CPED1: variants seen among roughly 807,000 people sequenced by gnomAD.
CPED1 encodes the protein cadherin like and PC-esterase domain containing 1.
In CPED1, 114 loss-of-function variants were observed where a neutral mutation model predicts 128.2. That is an observed-to-expected ratio of 0.89 (90% confidence interval 0.76 to 1.04). The LOEUF (loss-of-function observed/expected upper bound fraction) is 1.04, where lower values mean the gene tolerates loss of function less well. CPED1 is among the 50% of genes least tolerant of loss of function. CPED1 has a pLI of 0.00. For missense variants in CPED1, 1,211 were observed against 1,207.1 expected, an observed-to-expected ratio of 1.00 and a Z score of -0.05; for synonymous variants, 462 against 426.7, an observed-to-expected ratio of 1.08 and a Z score of -1.02.
rs1584639976 is a variant in CPED1, at chr7:121,261,640, C to T, written c.2311-4587C>T. On this transcript the variant is annotated intron_variant, in intron 18 of 22. Transcript: ENST00000310396. Reference sequence around the variant, plus strand: ...TTTTTTCCTTCCTTCAGTTGGGTGTCGATGTCCAGAGAGTTCCTAGAAGCC... The same window carrying T: ...TTTTTTCCTTCCTTCAGTTGGGTGTTGATGTCCAGAGAGTTCCTAGAAGCC... 3.7e-6 allele frequency: 6 copies of T among 1,610,712 alleles called. No individual in the cohort carries two copies. The East Asian group carries it at 9.0e-5, about 24-fold the overall frequency.
At chr7:121,285,045 CATACATCCTCTGAAATCT>C (rs1792538430) in intron 22 of CPED1, among the ~76,000 whole-genome samples, 1 of 152,224 alleles carries the variant, frequency 6.6e-6, no homozygotes, top group African/African-American at 2.4e-5. Flanking sequence ...CAGGCGTTTC[CATACATCCTCTGAAATCT>C]AGGTGGAGGT....
At chr7:121,081,078 A>G (rs943358445) in intron 5 of CPED1, among the ~76,000 whole-genome samples, 1 of 152,174 alleles carries the variant, frequency 6.6e-6, no homozygotes. Flanking sequence ...TGGAAAGGTG[A>G]TGCTCGTTAT....
At chr7:121,000,684 G>T (rs1401292923) in intron 2 of CPED1, among the ~76,000 whole-genome samples, 1 of 152,050 alleles carries the variant, frequency 6.6e-6, no homozygotes, top group African/African-American at 2.4e-5. Context: ...CTGTAACTCT[G>T]CATATGACTG....
intron 16 of CPED1, among the ~76,000 whole-genome samples, chr7:121,153,978 A>G (rs1796220741): frequency 6.6e-6 from 1 of 152,240 alleles, no homozygotes. Context: ...AATCTGTTAT[A>G]GAAAGTCAAA....
chr7:121,182,057 TA>T (rs1481320895), intron 16 of CPED1, among the ~76,000 whole-genome samples: 1 of 152,124 alleles, frequency 6.6e-6, no homozygotes, highest in Non-Finnish European at 1.5e-5. Flanking sequence ...ACTTCCCTCA[TA>T]AAACTTTTTG....
intron 2 of CPED1, among the ~76,000 whole-genome samples, chr7:121,003,220 C>T (rs1791912587): frequency 6.6e-6 from 1 of 152,152 alleles, no homozygotes; most frequent in Admixed American, 6.5e-5. Flanking sequence ...ATGTCTTCAC[C>T]TCCTGCCTTC....
chr7:121,244,431 G>C, intron 18 of CPED1, 93 bp downstream of exon 18: 2 of 1,353,538 alleles, frequency 1.5e-6, no homozygotes, highest in Non-Finnish European at 2.1e-6. Flanking sequence ...AATTCCTGCT[G>C]TCTCACAGCA....
chr7:121,207,133 TTATC>T (rs1044888997), intron 16 of CPED1, among the ~76,000 whole-genome samples: 60 of 152,162 alleles, frequency 3.9e-4, no homozygotes, highest in African/African-American at 7.2e-4. Context: ...TGTACTGTAT[TTATC>T]TATTTAGTCA....
intron 4 of CPED1, among the ~76,000 whole-genome samples, chr7:121,050,164 C>T (rs2116914357): frequency 6.6e-6 from 1 of 152,322 alleles, no homozygotes; most frequent in South Asian, 2.1e-4. Context: ...CCTTCCTCTT[C>T]CTTGTCATTT....
At chr7:121,294,806 C>CAAAAAAAAAAAAAAAAAA (rs752742828) in intron 22 of CPED1, among the ~76,000 whole-genome samples, 8 of 61,410 alleles carry the variant, frequency 1.3e-4, no homozygotes, top group Admixed American at 5.4e-4. Flanking sequence ...GCCTTCTAAG[C>CAAAAAAAAAAAAAAAAAA]AAAAAAAAAA....
intron 2 of CPED1, among the ~76,000 whole-genome samples, chr7:121,009,115 T>G (rs1792097607): frequency 6.6e-6 from 1 of 152,130 alleles, no homozygotes. Flanking sequence ...CTGATTTTCT[T>G]GGTGGGCTGT....
Position 121,049,574 on chromosome 7 carries a change from G to T in CPED1, c.540+2581G>T, listed in dbSNP as rs569974822. Among the ~76,000 whole-genome samples the T allele has an allele frequency of 4.6e-5, 7 of 152,322 alleles. No homozygotes were observed. In the South Asian group the frequency reaches 1.4e-3, roughly 32 times the overall value. ...AGAGCAGGTGGCAGAGACCTGGAGG[G>T]CCAAGTGGTGAATATTTAGCACAAT... On this transcript the variant is annotated intron_variant, in intron 4 of 22. Transcript: ENST00000310396.
At chr7:121,272,414 C>T (rs1792251741) in intron 22 of CPED1, among the ~76,000 whole-genome samples, 2 of 151,900 alleles carry the variant, frequency 1.3e-5, no homozygotes, top group African/African-American at 2.4e-5. Context: ...TACGAATTGC[C>T]TTGGAGAGCC....
At chr7:121,288,823 C>T (rs908975424) in intron 22 of CPED1, among the ~76,000 whole-genome samples, 5 of 152,208 alleles carry the variant, frequency 3.3e-5, no homozygotes, top group African/African-American at 9.6e-5. Context: ...ATCGTATAAA[C>T]AAAATTAACC....
At chr7:121,238,528 G>C (rs1482690262) in intron 17 of CPED1, among the ~76,000 whole-genome samples, 2 of 151,956 alleles carry the variant, frequency 1.3e-5, no homozygotes, top group Admixed American at 6.6e-5. Context: ...AGTGCATCCT[G>C]GGCACATCTC....
intron 17 of CPED1, among the ~76,000 whole-genome samples, chr7:121,239,517 G>C (rs1798338859): frequency 6.6e-6 from 1 of 151,968 alleles, no homozygotes; most frequent in Non-Finnish European, 1.5e-5. Context: ...ATTTCAGATT[G>C]CATTTTATGA....
chr7:121,245,003 A>G (rs547341470), intron 18 of CPED1, among the ~76,000 whole-genome samples: 11 of 152,198 alleles, frequency 7.2e-5, no homozygotes, highest in Non-Finnish European at 1.5e-4. Context: ...TGCTTGGTTA[A>G]CATCAAGTAA....
At chr7:121,174,115 A>G (rs1796719121) in intron 16 of CPED1, among the ~76,000 whole-genome samples, 1 of 152,020 alleles carries the variant, frequency 6.6e-6, no homozygotes, top group Admixed American at 6.6e-5. Context: ...TAGATGCTGG[A>G]TATTAGACCT....
At chr7:121,129,792 A>G (rs113378666) in intron 11 of CPED1, among the ~76,000 whole-genome samples, 97 of 152,002 alleles carry the variant, frequency 6.4e-4, no homozygotes, top group African/African-American at 2.1e-3. Flanking sequence ...TTCATTTGTA[A>G]CCCAAGAGGC....
Sources: allele counts gnomAD v4.1 joint callset (sites outside exome capture counted in the v4.1 genomes callset), GRCh38; gene constraint gnomAD v4.1.1; transcripts MANE v1.5; gene names NCBI Gene and HGNC (gene_info 2026-07-23, HGNC 2026-07-21).